The following KMT2C variants were observed in gnomAD, a reference collection of about 807,000 sequenced individuals.
The protein encoded by KMT2C is histone-lysine N-methyltransferase 2C.
A neutral mutation model predicts 507.9 loss-of-function variants in KMT2C; 88 were observed. The ratio of observed to expected loss-of-function variants is 0.17; its 90% CI spans 0.15 to 0.21. KMT2C has a LOEUF of 0.21. Among genes scored for constraint, KMT2C ranks in the 10% least tolerant of loss-of-function variants. The probability of loss-of-function intolerance (pLI) is 1.00; values close to 1 mark genes in which losing one functional copy is unlikely to be tolerated. For missense variants in KMT2C, 4,954 were observed against 5,957.8 expected (o/e 0.83, Z 5.55); for synonymous variants, 2,049 against 2,080.8 (o/e 0.98, Z 0.42).
rs2129132877 is a variant in KMT2C, at chr7:152,199,260, T to C, written c.4273+19A>G. The C allele has an allele frequency of 6.4e-7, 1 of 1,554,274 alleles. No homozygotes were observed. Among genetic ancestry groups the C allele is most frequent in the Admixed American group, 2.1e-5 (1 of 47,666 alleles). ...TGTTATATGATATAAAGAAAATATC[T>C]GTGAATAATTCTACATACCGTGAGT... On this transcript the variant is annotated intron_variant, in intron 27 of 58. Transcript: ENST00000262189.
At chr7:152,266,574 C>G (rs972982891) in intron 7 of KMT2C, among the ~76,000 whole-genome samples, 1 of 152,116 alleles carries the variant, frequency 6.6e-6, no homozygotes. Context: ...TTGGTCAATC[C>G]TATCAATTTC....
intron 1 of KMT2C, among the ~76,000 whole-genome samples, chr7:152,410,976 C>A (rs902808100): frequency 1.3e-5 from 2 of 151,894 alleles, no homozygotes; most frequent in Admixed American, 1.3e-4. Context: ...GCACTTCAGC[C>A]TGGATGACAG....
intron 1 of KMT2C, among the ~76,000 whole-genome samples, chr7:152,370,371 T>C (rs540451813): frequency 1.3e-5 from 2 of 152,206 alleles, no homozygotes; most frequent in Non-Finnish European, 2.9e-5. Flanking sequence ...ATTTATAGTA[T>C]GAAATTTTCT....
At chr7:152,295,047 C>T (rs536447591) in intron 6 of KMT2C, among the ~76,000 whole-genome samples, 16 of 152,086 alleles carry the variant, frequency 1.1e-4, no homozygotes, top group African/African-American at 3.9e-4. Flanking sequence ...TGTGATCTTC[C>T]AACATACTTA....
intron 3 of KMT2C, among the ~76,000 whole-genome samples, chr7:152,321,429 T>C (rs1036198537): frequency 6.6e-6 from 1 of 151,714 alleles, no homozygotes; most frequent in Non-Finnish European, 1.5e-5. Flanking sequence ...CAGAGCAATA[T>C]GGTCAAGAGA....
chr7:152,409,561 T>C, intron 1 of KMT2C, among the ~76,000 whole-genome samples: 1 of 80,034 alleles, frequency 1.2e-5, no homozygotes, highest in African/African-American at 6.6e-5. Context: ...CTGCTAAAAA[T>C]ACAAAAAAAA....
At chr7:152,385,408 C>T (rs1380393226) in intron 1 of KMT2C, among the ~76,000 whole-genome samples, 1 of 134,954 alleles carries the variant, frequency 7.4e-6, no homozygotes, top group Non-Finnish European at 1.5e-5. Context: ...GTCAGGAGAT[C>T]GAGACCATCC....
chr7:152,416,122 C>T (rs936379782), intron 1 of KMT2C, among the ~76,000 whole-genome samples: 9 of 152,184 alleles, frequency 5.9e-5, no homozygotes, highest in African/African-American at 1.2e-4. Context: ...GGCATGGTGG[C>T]TTATGCCTGT....
intron 27 of KMT2C, among the ~76,000 whole-genome samples, chr7:152,196,390 G>T (rs2093962701): frequency 6.6e-6 from 1 of 152,078 alleles, no homozygotes; most frequent in Non-Finnish European, 1.5e-5. Flanking sequence ...GTTAAAATAT[G>T]AAAGACAAAC....
intron 1 of KMT2C, among the ~76,000 whole-genome samples, chr7:152,398,101 A>G (rs540625388): frequency 8.5e-5 from 13 of 152,254 alleles, no homozygotes; most frequent in African/African-American, 2.6e-4. Flanking sequence ...TACCATTAAC[A>G]GACACACTCA....
chr7:152,338,144 C>T (rs1175160435), intron 2 of KMT2C, among the ~76,000 whole-genome samples: 2 of 152,160 alleles, frequency 1.3e-5, no homozygotes, highest in Non-Finnish European at 2.9e-5. Context: ...AGGCATGAGC[C>T]ACCGTGCCCA....
intron 7 of KMT2C, 29 bp from the exon 8 acceptor site, chr7:152,265,238 G>A (rs552476476): frequency 1.2e-6 from 2 of 1,609,784 alleles, no homozygotes; most frequent in Admixed American, 3.3e-5. Flanking sequence ...CAATGAAATT[G>A]TTGTATAAGA....
At chr7:152,236,975 AG>A (rs1237900031) in intron 15 of KMT2C, among the ~76,000 whole-genome samples, 2 of 152,228 alleles carry the variant, frequency 1.3e-5, no homozygotes, top group Admixed American at 6.5e-5. Flanking sequence ...TTCTTACACA[AG>A]AAATAAACCT....
Position 152,195,958 on chromosome 7 carries a change from C to A in KMT2C, c.4327G>T (p.Asp1443Tyr). The change falls in exon 28 of 59, where the codon GAC becomes TAC. Residue 1443 changes from aspartate to tyrosine, a missense_variant. Coordinates refer to ENST00000262189, the MANE Select transcript of KMT2C (RefSeq NM_170606.3). Reference protein sequence around the residue: ...DISEVLNTDDDILGIISDDLA... With the variant: ...DISEVLNTDDYILGIISDDLA... ...TCATCTGAAATTATTCCAAGAATGT[C>A]ATCATCTGTGTTTAAAACTTCAGAA... is the stretch of plus-strand genomic sequence containing the variant. 1 of 1,610,618 alleles carries A rather than the reference C, an allele frequency of 6.2e-7. No homozygotes were observed. Among genetic ancestry groups the A allele is most frequent in the Non-Finnish European group, 8.5e-7 (1 of 1,177,572 alleles).
intron 17 of KMT2C, 91 bp from the exon 18 acceptor site, chr7:152,230,118 G>T: frequency 1.1e-6 from 1 of 920,646 alleles, no homozygotes; most frequent in Non-Finnish European, 1.7e-6. Flanking sequence ...AACTAATATA[G>T]CTCTATAGCT....
chr7:152,176,878 G>A lies in KMT2C; in HGVS notation c.8575C>T (p.His2859Tyr), dbSNP rs781083622. Residue 2859 changes from histidine to tyrosine, a missense_variant, in exon 38 of 59, where the codon CAC becomes TAC. Physicochemically the swap from His to Tyr is moderately conservative, Grantham distance 83. Transcript: ENST00000262189. ...TTTTCTCCATCATTTAGGTCTGAGT[G>A]AGCAGAAGCCTGTGAGCAAGGAGTG... ...VDTPCSQASA[H>Y]SDLNDGEKTS... The A allele has an allele frequency of 2.5e-6, 4 of 1,614,144 alleles. No individual in the cohort carries two copies. Among genetic ancestry groups the A allele is most frequent in the South Asian group, 2.2e-5 (2 of 91,080 alleles).
intron 6 of KMT2C, among the ~76,000 whole-genome samples, chr7:152,301,434 G>A (rs528479699): frequency 7.9e-5 from 12 of 152,044 alleles, no homozygotes; most frequent in African/African-American, 2.7e-4. Flanking sequence ...ACTTGAACCC[G>A]GGAGGCAGAG....
chr7:152,379,913 C>G (rs1380806177), intron 1 of KMT2C, among the ~76,000 whole-genome samples: 355 of 142,818 alleles, frequency 2.5e-3, no homozygotes, highest in Non-Finnish European at 4.8e-3. Flanking sequence ...CTAGGCAACA[C>G]AGCGAGACCC....
At chr7:152,337,911 C>G (rs545405689) in intron 2 of KMT2C, among the ~76,000 whole-genome samples, 14 of 151,498 alleles carry the variant, frequency 9.2e-5, no homozygotes, top group African/African-American at 3.2e-4. Flanking sequence ...GGCTGGAGTG[C>G]AGTGGCGCGA....
Sources: gnomAD v4.1 joint callset for allele counts (sites outside exome capture counted in the v4.1 genomes callset) on GRCh38, gnomAD v4.1.1 for gene constraint, MANE v1.5 for transcripts, NCBI Gene and HGNC (gene_info 2026-07-23, HGNC 2026-07-21) for gene names.